The following SDK1 variants were observed in gnomAD, a reference collection of about 807,000 sequenced individuals.
SDK1 encodes the protein sidekick cell adhesion molecule 1, also known as protein sidekick-1.
In SDK1, 157 loss-of-function variants were observed where a neutral mutation model predicts 245.5. The observed-to-expected ratio is 0.64, with a 90% CI of 0.56 to 0.73. SDK1 has a LOEUF of 0.73. SDK1 is among the 30% of genes least tolerant of loss of function. The pLI, the probability that SDK1 is intolerant of heterozygous loss-of-function variation, is 0.00. For synonymous variants in SDK1, 1,647 were observed against 1,278.5 expected, an observed-to-expected ratio of 1.29 and a Z score of -6.15; for missense variants, 3,583 against 3,002.3, an observed-to-expected ratio of 1.19 and a Z score of -4.52.
chr7:4,257,898 C>A (rs538868010), intron 44 of SDK1, among the ~76,000 whole-genome samples: 1 of 150,674 alleles, frequency 6.6e-6, no homozygotes, highest in South Asian at 2.1e-4. Flanking sequence ...CAGCTATTAG[C>A]CAATCACGGT....
chr7:4,159,338 C>T lies in SDK1; in HGVS notation c.4729+787C>T, dbSNP rs1290402978. 3.9e-5 allele frequency among the ~76,000 whole-genome samples: 6 copies of T among 152,342 alleles called. No individual in the cohort carries two copies. In the East Asian group the frequency reaches 1.2e-3, roughly 29 times the overall value. On this transcript the variant is annotated intron_variant, in intron 31 of 44. Coordinates refer to ENST00000404826, the MANE Select transcript of SDK1 (RefSeq NM_152744.4). Reference sequence around the variant, plus strand: ...GTGTGGTTTCTCCCACATAGGCCTCCCTTGGCCTCAGGGACCAGCAGAGGG... The same window carrying T: ...GTGTGGTTTCTCCCACATAGGCCTCTCTTGGCCTCAGGGACCAGCAGAGGG...
chr7:3,810,408 G>A (rs538360258), intron 4 of SDK1, among the ~76,000 whole-genome samples: 2 of 152,024 alleles, frequency 1.3e-5, no homozygotes, highest in South Asian at 4.2e-4. Flanking sequence ...CTAAACCTGG[G>A]CTCTGTAAAA....
rs535530798 is a variant in SDK1, at chr7:3,347,202, C to T, written c.298+45318C>T. On this transcript the variant is annotated intron_variant, in intron 1 of 44. Coordinates refer to ENST00000404826, the MANE Select transcript of SDK1 (RefSeq NM_152744.4). ...GATGCCACTTCTTCCAAGAACTCTT[C>T]TCCAGGTGCACAAACCAGATTTTTT... Among the ~76,000 whole-genome samples the T allele has an allele frequency of 5.3e-5, 8 of 152,062 alleles. No individual in the cohort carries two copies. The South Asian group carries it at 1.0e-3, about 20-fold the overall frequency.
intron 2 of SDK1, among the ~76,000 whole-genome samples, chr7:3,624,414 G>T (rs1196752831): frequency 6.6e-6 from 1 of 151,998 alleles, no homozygotes; most frequent in Admixed American, 6.6e-5. Flanking sequence ...GCCTAGGCTG[G>T]TCTCAAACTC....
At chr7:3,460,540 G>T (rs1010108126) in intron 1 of SDK1, among the ~76,000 whole-genome samples, 2 of 152,206 alleles carry the variant, frequency 1.3e-5, no homozygotes, top group African/African-American at 4.8e-5. Context: ...TTATATGTCA[G>T]TGTGTCATAA....
At chr7:3,759,187 C>G (rs542315400) in intron 4 of SDK1, among the ~76,000 whole-genome samples, 2 of 152,142 alleles carry the variant, frequency 1.3e-5, no homozygotes, top group Non-Finnish European at 2.9e-5. Flanking sequence ...ATCACTGTTT[C>G]CCAAGGGGTT....
chr7:3,526,167 A>C (rs1783123407), intron 1 of SDK1, among the ~76,000 whole-genome samples: 1 of 151,934 alleles, frequency 6.6e-6, no homozygotes, highest in Non-Finnish European at 1.5e-5. Flanking sequence ...CAGGAGGTGG[A>C]GGTTGCTGTG....
intron 5 of SDK1, among the ~76,000 whole-genome samples, chr7:3,912,625 A>G (rs1437077630): frequency 1.3e-5 from 2 of 152,216 alleles, no homozygotes; most frequent in African/African-American, 4.8e-5. Flanking sequence ...CCAGGCAGGC[A>G]TGGCTGGGGC....
At position 3,781,771 on chromosome 7, in the gene SDK1, G is replaced by A. The variant is rs114860181; in HGVS notation, c.714-39679G>A. On this transcript the variant is annotated intron_variant, in intron 4 of 44. Coordinates refer to ENST00000404826, the MANE Select transcript of SDK1 (RefSeq NM_152744.4). ...TAGAGATGAAAAATACAGTGGCTGA[G>A]TTGAAAAATTCAATAGAAAGCTTCA... 5.5e-3 allele frequency among the ~76,000 whole-genome samples: 837 copies of A among 152,244 alleles called. 9 individuals carry two copies. The highest frequency in any genetic ancestry group is 0.019 in the African/African-American group (804 of 41,560).
At chr7:3,337,551 C>T (rs1397560607) in intron 1 of SDK1, among the ~76,000 whole-genome samples, 1 of 152,096 alleles carries the variant, frequency 6.6e-6, no homozygotes, top group East Asian at 1.9e-4. Flanking sequence ...GCTGAGTGAG[C>T]CCCAGACAGG....
intron 22 of SDK1, among the ~76,000 whole-genome samples, chr7:4,100,135 A>G (rs1782438118): frequency 6.6e-6 from 1 of 152,196 alleles, no homozygotes; most frequent in Admixed American, 6.5e-5. Context: ...TAGAAATATT[A>G]GCAGGGAATC....
At chr7:4,170,272 C>T (rs1284792889) in intron 32 of SDK1, among the ~76,000 whole-genome samples, 1 of 152,030 alleles carries the variant, frequency 6.6e-6, no homozygotes, top group Non-Finnish European at 1.5e-5. Context: ...CATGGTGAGA[C>T]GTCATCTCTA....
chr7:3,569,940 C>A (rs1244083708), intron 1 of SDK1, among the ~76,000 whole-genome samples: 1 of 152,168 alleles, frequency 6.6e-6, no homozygotes, highest in Non-Finnish European at 1.5e-5. Flanking sequence ...TCCTCTGTCT[C>A]CCAGAAGTTC....
intron 1 of SDK1, among the ~76,000 whole-genome samples, chr7:3,537,147 G>T (rs894115640): frequency 2.0e-5 from 3 of 151,914 alleles, no homozygotes; most frequent in African/African-American, 4.8e-5. Flanking sequence ...TTCCCTCTTC[G>T]CAGACAGCTA....
At chr7:3,502,559 A>T (rs1782251592) in intron 1 of SDK1, among the ~76,000 whole-genome samples, 1 of 152,158 alleles carries the variant, frequency 6.6e-6, no homozygotes, top group Non-Finnish European at 1.5e-5. Context: ...AGGATGATTT[A>T]TTTTTAATAG....
At chr7:3,917,773 C>A (rs1779435957) in intron 5 of SDK1, among the ~76,000 whole-genome samples, 2 of 151,336 alleles carry the variant, frequency 1.3e-5, no homozygotes, top group Non-Finnish European at 3.0e-5. Context: ...ACAGGCTTCT[C>A]TCCTGCTACA....
intron 5 of SDK1, among the ~76,000 whole-genome samples, chr7:3,866,411 C>G (rs776922307): frequency 4.6e-5 from 7 of 152,154 alleles, no homozygotes; most frequent in Non-Finnish European, 5.9e-5. Context: ...GTGATCTGTG[C>G]TTTGAACGAT....
intron 4 of SDK1, among the ~76,000 whole-genome samples, chr7:3,733,188 G>T (rs1170260562): frequency 6.6e-6 from 1 of 152,166 alleles, no homozygotes; most frequent in Non-Finnish European, 1.5e-5. Context: ...AGTCTTTAAA[G>T]AATATTTTAA....
chr7:3,368,920 G>A (rs1380729406), intron 1 of SDK1, among the ~76,000 whole-genome samples: 3 of 152,192 alleles, frequency 2.0e-5, no homozygotes, highest in Admixed American at 2.0e-4. Context: ...GCAAGGAATG[G>A]TGTGTAATTC....
Sources: allele counts gnomAD v4.1 joint callset (sites outside exome capture counted in the v4.1 genomes callset), GRCh38; gene constraint gnomAD v4.1.1; transcripts MANE v1.5; gene names NCBI Gene and HGNC (gene_info 2026-07-23, HGNC 2026-07-21).